The following SCAPER variants were observed in gnomAD, a reference collection of about 807,000 sequenced individuals.
The protein encoded by SCAPER is S-phase cyclin A associated protein in the ER.
Under a neutral mutation model 182.2 loss-of-function variants are expected in SCAPER, and 98 were observed. The observed-to-expected ratio is 0.54, with a 90% CI of 0.46 to 0.64. The LOEUF is 0.64. Ranked by LOEUF, SCAPER falls within the 30% of genes least tolerant of loss-of-function variation. The pLI, the probability that SCAPER is intolerant of heterozygous loss-of-function variation, is 0.00. For synonymous variants in SCAPER, 605 were observed against 564.6 expected (o/e 1.07, Z -1.01); for missense variants, 1,432 against 1,690.0 (o/e 0.85, Z 2.68).
chr15:76,417,717 C>T (rs2045748626), intron 26 of SCAPER, among the ~76,000 whole-genome samples: 1 of 152,044 alleles, frequency 6.6e-6, no homozygotes, highest in South Asian at 2.1e-4. Context: ...TGTTTGATAA[C>T]TTAGATTCTA....
At chr15:76,405,131 T>TTTA (rs1209876147) in intron 26 of SCAPER, among the ~76,000 whole-genome samples, 10 of 149,398 alleles carry the variant, frequency 6.7e-5, no homozygotes, top group African/African-American at 2.0e-4. Context: ...TTTTTTTTTT[T>TTTA]AGAGACAGCG....
chr15:76,529,343 G>A (rs554060602), intron 23 of SCAPER, among the ~76,000 whole-genome samples: 66 of 152,258 alleles, frequency 4.3e-4, no homozygotes, highest in African/African-American at 1.1e-3. Context: ...ACCATTCCCC[G>A]CCAGAACTTT....
intron 6 of SCAPER, among the ~76,000 whole-genome samples, chr15:76,802,759 A>T (rs942719737): frequency 2.0e-5 from 3 of 152,168 alleles, no homozygotes; most frequent in Admixed American, 2.0e-4. Flanking sequence ...TTGAACCAAG[A>T]TTAAATCCAA....
intron 27 of SCAPER, chr15:76,385,220 A>T (rs1319767591): frequency 6.6e-6 from 1 of 152,246 alleles, no homozygotes; most frequent in African/African-American, 2.4e-5. Flanking sequence ...TTGTGTGGGC[A>T]TGAAGTGCCA....
chr15:76,672,160 G>C (rs1035277329), intron 20 of SCAPER, among the ~76,000 whole-genome samples: 4 of 152,122 alleles, frequency 2.6e-5, no homozygotes, highest in Non-Finnish European at 4.4e-5. Context: ...GCTAAAAGCA[G>C]AACAGGAAAA....
At position 76,668,642 on chromosome 15, in the gene SCAPER, C is replaced by T. The variant is rs192229550; in HGVS notation, c.2509-2853G>A. ...TTAACATACACCCTCTATTATTTGTCATCTCCTTATTTCTTCATAGTCATA... is the reference window on the plus strand; with the variant it reads ...TTAACATACACCCTCTATTATTTGTTATCTCCTTATTTCTTCATAGTCATA... On this transcript the variant is annotated intron_variant, in intron 20 of 31. Coordinates refer to ENST00000563290, the MANE Select transcript of SCAPER (RefSeq NM_020843.4). 3.5e-3 allele frequency among the ~76,000 whole-genome samples: 533 copies of T among 152,280 alleles called. 5 individuals are homozygous for T. The highest frequency in any genetic ancestry group is 0.012 in the African/African-American group (495 of 41,566).
chr15:76,479,827 G>A (rs548641543), intron 24 of SCAPER, among the ~76,000 whole-genome samples: 1 of 152,270 alleles, frequency 6.6e-6, no homozygotes, highest in South Asian at 2.1e-4. Context: ...TGTGTCAAGA[G>A]AGCAACCATT....
rs369960575 is a variant in SCAPER, at chr15:76,751,703, C to T, written c.1866+2105G>A. On this transcript the variant is annotated intron_variant, in intron 15 of 31. Coordinates refer to ENST00000563290, the MANE Select transcript of SCAPER (RefSeq NM_020843.4). Reference sequence around the variant, plus strand: ...GCAAAAAATCAAGCTAAACCTTTACCTAACACCACATACTGAAATTAACTC... The same window carrying T: ...GCAAAAAATCAAGCTAAACCTTTACTTAACACCACATACTGAAATTAACTC... Among the ~76,000 whole-genome samples, 5 of 151,670 alleles carry T rather than the reference C, an allele frequency of 3.3e-5. No homozygotes were observed. In the East Asian group the frequency reaches 7.7e-4, roughly 23 times the overall value.
intron 17 of SCAPER, among the ~76,000 whole-genome samples, chr15:76,714,199 A>C (rs189918800): frequency 5.9e-5 from 9 of 152,308 alleles, no homozygotes; most frequent in Middle Eastern, 3.4e-3. Context: ...ATTACCAAGC[A>C]GCATGAAATA....
At chr15:76,869,241 C>T (rs1355177015) in intron 2 of SCAPER, among the ~76,000 whole-genome samples, 2 of 151,764 alleles carry the variant, frequency 1.3e-5, no homozygotes, top group East Asian at 1.9e-4. Context: ...AAAGCACAGG[C>T]AACAAAAACA....
intron 22 of SCAPER, among the ~76,000 whole-genome samples, chr15:76,608,419 C>A (rs1007170320): frequency 1.3e-5 from 2 of 152,178 alleles, no homozygotes; most frequent in Non-Finnish European, 2.9e-5. Context: ...AGGTGTCAAT[C>A]TGCCCCTACT....
chr15:76,392,305 G>C (rs1428595641), intron 27 of SCAPER, among the ~76,000 whole-genome samples: 2 of 152,098 alleles, frequency 1.3e-5, no homozygotes. Context: ...ATGAATACAA[G>C]AATATGTAAA....
At chr15:76,888,720 T>C (rs1401662210) in intron 1 of SCAPER, among the ~76,000 whole-genome samples, 1 of 152,188 alleles carries the variant, frequency 6.6e-6, no homozygotes, top group African/African-American at 2.4e-5. Context: ...CTGAAACTGA[T>C]GGAGTGAATG....
intron 13 of SCAPER, 126 bp from the exon 14 acceptor site, chr15:76,765,198 G>C: frequency 9.7e-7 from 1 of 1,025,860 alleles, no homozygotes; most frequent in Non-Finnish European, 1.4e-6. Context: ...TTTCGGGAAA[G>C]CTTTGTTACT....
At chr15:76,507,742 C>T (rs2048856) in intron 23 of SCAPER, among the ~76,000 whole-genome samples, 45,619 of 151,990 alleles carry the variant, frequency 0.3, 7,983 homozygotes, top group East Asian at 0.58. Context: ...GAAAGCTAGA[C>T]GACTCATACA....
chr15:76,898,129 G>A (rs1470431500), intron 1 of SCAPER, among the ~76,000 whole-genome samples: 9 of 152,130 alleles, frequency 5.9e-5, no homozygotes, highest in African/African-American at 7.2e-5. Context: ...AAATGTATAC[G>A]AATGGCTAAC....
At chr15:76,523,717 G>T (rs1030880940) in intron 23 of SCAPER, among the ~76,000 whole-genome samples, 7 of 151,962 alleles carry the variant, frequency 4.6e-5, no homozygotes, top group African/African-American at 1.7e-4. Flanking sequence ...AGTAATAACG[G>T]TTTACTTTTT....
At chr15:76,362,971 A>G (rs1272062131) in intron 29 of SCAPER, among the ~76,000 whole-genome samples, 5 of 152,050 alleles carry the variant, frequency 3.3e-5, no homozygotes, top group Admixed American at 3.3e-4. Flanking sequence ...TGTTATTTTT[A>G]TTAGTTGTTT....
chr15:76,433,506 C>T (rs1418357147), intron 26 of SCAPER, among the ~76,000 whole-genome samples: 1 of 152,080 alleles, frequency 6.6e-6, no homozygotes, highest in Non-Finnish European at 1.5e-5. Flanking sequence ...GAAAAAACAA[C>T]AACAACAACA....
Sources: gnomAD v4.1 joint callset for allele counts (sites outside exome capture counted in the v4.1 genomes callset) on GRCh38, gnomAD v4.1.1 for gene constraint, MANE v1.5 for transcripts, NCBI Gene and HGNC (gene_info 2026-07-23, HGNC 2026-07-21) for gene names.